Variants in ZFHX3 observed in about 807,000 individuals in gnomAD.
ZFHX3 encodes zinc finger homeobox 3.
Under a neutral mutation model 279.1 loss-of-function variants are expected in ZFHX3, and 42 were observed. That is an observed-to-expected ratio of 0.15 (90% confidence interval 0.12 to 0.19). The LOEUF (loss-of-function observed/expected upper bound fraction) is 0.19. Ranked by LOEUF, ZFHX3 falls within the 10% of genes least tolerant of loss-of-function variation. The probability of loss-of-function intolerance (pLI) is 1.00; values close to 1 mark genes in which losing one functional copy is unlikely to be tolerated. For missense variants in ZFHX3, 4,981 were observed against 4,754.0 expected (o/e 1.05, Z -1.40); for synonymous variants, 2,293 against 1,957.8 (o/e 1.17, Z -4.52).
At chr16:73,666,908 G>A (rs2052848130) in intron 2 of ZFHX3, among the ~76,000 whole-genome samples, 1 of 151,956 alleles carries the variant, frequency 6.6e-6, no homozygotes, top group African/African-American at 2.4e-5. Context: ...CAATGCCTAT[G>A]GGATTCATCC....
intron 7 of ZFHX3, chr16:73,125,127 C>G (rs966738168): frequency 6.6e-6 from 1 of 150,658 alleles, no homozygotes; most frequent in African/African-American, 2.4e-5. Context: ...CACCCAGTCA[C>G]TGTTTGCTGT....
At chr16:73,321,750 T>C (rs1052733129) in intron 3 of ZFHX3, among the ~76,000 whole-genome samples, 1 of 152,218 alleles carries the variant, frequency 6.6e-6, no homozygotes, top group Non-Finnish European at 1.5e-5. Flanking sequence ...TTTTGTTTTA[T>C]ATTTTGACTA....
chr16:73,734,417 A>G (rs1597087503), intron 1 of ZFHX3, among the ~76,000 whole-genome samples: 1 of 152,240 alleles, frequency 6.6e-6, no homozygotes, highest in East Asian at 1.9e-4. Flanking sequence ...CAAAAGAATA[A>G]TGAAGAGATG....
chr16:73,574,199 A>T (rs1363771196), intron 2 of ZFHX3, among the ~76,000 whole-genome samples: 2 of 152,214 alleles, frequency 1.3e-5, no homozygotes, highest in African/African-American at 4.8e-5. Context: ...AAATGGTCTC[A>T]TTATTTTGTG....
intron 1 of ZFHX3, among the ~76,000 whole-genome samples, chr16:73,687,223 T>TAA (rs958496272): frequency 7.1e-6 from 1 of 140,994 alleles, no homozygotes; most frequent in Non-Finnish European, 1.6e-5. Flanking sequence ...ACCCCATCTC[T>TAA]AAAAAAAAAA....
intron 5 of ZFHX3, among the ~76,000 whole-genome samples, chr16:73,200,331 T>C (rs1328798586): frequency 1.3e-5 from 2 of 152,204 alleles, no homozygotes; most frequent in African/African-American, 4.8e-5. Context: ...AGGAAATATT[T>C]TTTGTTTCAG....
chr16:72,991,929 C>T (rs981420525), intron 1 of ZFHX3, among the ~76,000 whole-genome samples: 11 of 152,124 alleles, frequency 7.2e-5, no homozygotes, highest in Admixed American at 3.9e-4. Context: ...CACAATTGCT[C>T]GGGATGATGC....
At chr16:73,628,137 C>T (rs1158526092) in intron 2 of ZFHX3, among the ~76,000 whole-genome samples, 10 of 152,112 alleles carry the variant, frequency 6.6e-5, no homozygotes, top group African/African-American at 1.4e-4. Flanking sequence ...TACCTCCAAC[C>T]CGTTAACTCC....
chr16:72,797,690 G>A lies in ZFHX3; in HGVS notation c.4992C>T (p.Thr1664=), dbSNP rs1450401340. 3 of 1,614,012 alleles carry A rather than the reference G, an allele frequency of 1.9e-6. No homozygotes were observed. The highest frequency in any genetic ancestry group is 1.7e-5 in the Admixed American group (1 of 59,994). The change falls in exon 9 of 10, where the codon ACC becomes ACT. Residue 1664 remains threonine, a synonymous_variant. Transcript: ENST00000268489. The stretch of plus-strand genomic sequence containing the variant: ...TGCCAGCACTGCTTGGATTGGAGGT[G>A]GTAAAGGTGTTACTGCCACTGGTGC... ...PVSTSGSNTF[T]TSNPSSAGIA...
rs534779569 is a variant in ZFHX3 at position 73,078,450 on chromosome 16, G to C, written c.-533+14785C>G. On this transcript the variant is annotated intron_variant, in intron 8 of 17. Transcript: ENST00000641206. ...AACTAAGATACTTGCTTGTTTAAAG[G>C]CTCTGGAAGCAGAAAATCCACACTA... is the stretch of plus-strand genomic sequence containing the variant. 1.1e-4 allele frequency among the ~76,000 whole-genome samples: 16 copies of C among 152,164 alleles called. No homozygotes were observed. The South Asian group carries it at 3.3e-3, about 32-fold the overall frequency.
At chr16:73,580,508 C>CAAAA (rs1555525963) in intron 2 of ZFHX3, among the ~76,000 whole-genome samples, 1,886 of 140,062 alleles carry the variant, frequency 0.013, 26 homozygotes, top group East Asian at 0.019. Context: ...AACAAACAAA[C>CAAAA]AAAAAAAAAA....
At chr16:73,151,885 A>C (rs1454742956) in intron 5 of ZFHX3, among the ~76,000 whole-genome samples, 1 of 151,768 alleles carries the variant, frequency 6.6e-6, no homozygotes, top group Admixed American at 6.6e-5. Flanking sequence ...AAAACAAAAA[A>C]AAAAAAAAAG....
At chr16:73,531,401 T>G (rs1321361826) in intron 2 of ZFHX3, among the ~76,000 whole-genome samples, 1 of 152,156 alleles carries the variant, frequency 6.6e-6, no homozygotes, top group African/African-American at 2.4e-5. Flanking sequence ...TATGCAGGAA[T>G]TGTCTTGTTT....
intron 5 of ZFHX3, among the ~76,000 whole-genome samples, chr16:73,247,942 G>A (rs531734678): frequency 0.019 from 2,887 of 150,426 alleles, 43 homozygotes; most frequent in African/African-American, 0.067. Context: ...GTGTGTGTTC[G>A]TATACTATGT....
At chr16:73,170,213 C>G (rs1967486124) in intron 5 of ZFHX3, among the ~76,000 whole-genome samples, 1 of 100,694 alleles carries the variant, frequency 9.9e-6, no homozygotes, top group South Asian at 3.5e-4. Flanking sequence ...GAAGCATCTT[C>G]CTTTCACTAG....
intron 3 of ZFHX3, among the ~76,000 whole-genome samples, chr16:73,439,819 C>T (rs1469953722): frequency 1.4e-5 from 2 of 141,758 alleles, no homozygotes; most frequent in Non-Finnish European, 3.0e-5. Flanking sequence ...TGAAATTGGA[C>T]ACATGTGGCA....
In ZFHX3 at chr16:73,299,543, T is replaced by C. The variant is rs528157238; in HGVS notation, c.-1194+18697A>G. ...TTGTATCACCTAATGAATGTGGCGA[T>C]ATAAATCTTGATGAGGGGCAGGCCT... On this transcript the variant is annotated intron_variant, in intron 4 of 17. Coordinates refer to the ZFHX3 transcript ENST00000641206. Among the ~76,000 whole-genome samples, 3 of 152,250 alleles carry C rather than the reference T, an allele frequency of 2.0e-5. No individual in the cohort carries two copies. The East Asian group carries it at 5.8e-4, about 29-fold the overall frequency.
At position 72,800,143 on chromosome 16, in the gene ZFHX3, G is replaced by A. The variant is rs1012059986; in HGVS notation, c.3865-14C>T. 10 of 1,605,750 alleles carry A rather than the reference G, an allele frequency of 6.2e-6. No individual in the cohort carries two copies. Among genetic ancestry groups the A allele is most frequent in the Admixed American group, 3.3e-5 (2 of 59,952 alleles). Reference sequence around the variant, plus strand: ...AGGGGTGGTCACCTGAGGAGCAAGAGCAAGGAGAGTCAAATGGAGAGGAAA... The same window carrying A: ...AGGGGTGGTCACCTGAGGAGCAAGAACAAGGAGAGTCAAATGGAGAGGAAA... On this transcript the variant is annotated splice_polypyrimidine_tract_variant and intron_variant, in intron 7 of 9. Coordinates refer to ENST00000268489, the MANE Select transcript of ZFHX3 (RefSeq NM_006885.4).
intron 2 of ZFHX3, among the ~76,000 whole-genome samples, chr16:73,610,584 G>A (rs567491037): frequency 6.6e-6 from 1 of 152,260 alleles, no homozygotes; most frequent in East Asian, 1.9e-4. Context: ...TACATTAAAG[G>A]ATAAACTTCT....
Sources: gnomAD v4.1 joint callset for allele counts (sites outside exome capture counted in the v4.1 genomes callset) on GRCh38, gnomAD v4.1.1 for gene constraint, MANE v1.5 for transcripts, NCBI Gene and HGNC (gene_info 2026-07-23, HGNC 2026-07-21) for gene names.